Variants in LOC128092252 observed in about 807,000 individuals in gnomAD.
At chr15:50,681,224 C>T in the LOC128092252 span, among the ~76,000 whole-genome samples, 1 of 151,180 alleles carries the variant, frequency 6.6e-6, no homozygotes, top group South Asian at 2.1e-4. Context: ...GCACTTCAGC[C>T]TGGATGACCG....
At chr15:50,648,999 A>G in the LOC128092252 span, 74 of 691,596 alleles carry the variant, frequency 1.1e-4, no homozygotes, top group African/African-American at 8.4e-4. Flanking sequence ...TATATTTTAT[A>G]TAAGTATAAA....
the LOC128092252 span, among the ~76,000 whole-genome samples, chr15:50,652,900 G>A: frequency 1.3e-5 from 2 of 152,150 alleles, no homozygotes; most frequent in African/African-American, 2.4e-5. Flanking sequence ...ACTGGCTCGT[G>A]CCTGTAATCC....
the LOC128092252 span, among the ~76,000 whole-genome samples, chr15:50,658,923 G>A: frequency 6.6e-6 from 1 of 152,224 alleles, no homozygotes; most frequent in Non-Finnish European, 1.5e-5. Flanking sequence ...TAGTGGCCAG[G>A]CGCAGTGGCT....
the LOC128092252 span, among the ~76,000 whole-genome samples, chr15:50,682,899 C>CTTTTT: frequency 9.1e-5 from 13 of 143,294 alleles, no homozygotes; most frequent in Non-Finnish European, 1.8e-4. Flanking sequence ...CGGTACCAAA[C>CTTTTT]TTTTTTTTTT....
chr15:50,671,466 G>A, the LOC128092252 span, among the ~76,000 whole-genome samples: 22 of 152,050 alleles, frequency 1.4e-4, no homozygotes, highest in Non-Finnish European at 2.4e-4. Flanking sequence ...ATGATGGACC[G>A]CATATTTAAC....
At chr15:50,672,925 A>G in the LOC128092252 span, among the ~76,000 whole-genome samples, 1 of 147,228 alleles carries the variant, frequency 6.8e-6, no homozygotes, top group East Asian at 2.0e-4. Flanking sequence ...AAAAAAAAAA[A>G]GCTTATAGAA....
the LOC128092252 span, among the ~76,000 whole-genome samples, chr15:50,670,883 T>C: frequency 6.6e-6 from 1 of 150,656 alleles, no homozygotes; most frequent in African/African-American, 2.4e-5. Flanking sequence ...TGTCAAAACA[T>C]ATTAAGTAGG....
At chr15:50,650,473 T>C in the LOC128092252 span, among the ~76,000 whole-genome samples, 27 of 152,072 alleles carry the variant, frequency 1.8e-4, no homozygotes, top group Admixed American at 1.7e-3. Context: ...GGTGGATGGA[T>C]CACCTGAGGT....
the LOC128092252 span, among the ~76,000 whole-genome samples, chr15:50,653,935 C>T: frequency 6.6e-6 from 1 of 152,018 alleles, no homozygotes; most frequent in Non-Finnish European, 1.5e-5. Flanking sequence ...CATCACTGAA[C>T]CCCCTGAACA....
At chr15:50,663,764 G>A in the LOC128092252 span, among the ~76,000 whole-genome samples, 1 of 152,074 alleles carries the variant, frequency 6.6e-6, no homozygotes, top group Non-Finnish European at 1.5e-5. Flanking sequence ...AGAATTCAAG[G>A]CTACCCTGGA....
At chr15:50,653,565 A>C in the LOC128092252 span, among the ~76,000 whole-genome samples, 3 of 152,166 alleles carry the variant, frequency 2.0e-5, no homozygotes, top group South Asian at 4.1e-4. Context: ...CCTTGAAATG[A>C]GGGAAACACA....
At chr15:50,658,865 A>G in the LOC128092252 span, among the ~76,000 whole-genome samples, 1 of 152,232 alleles carries the variant, frequency 6.6e-6, no homozygotes, top group African/African-American at 2.4e-5. Flanking sequence ...ACTAAAACAA[A>G]TTACAATTCA....
chr15:50,660,820 G>A, the LOC128092252 span, among the ~76,000 whole-genome samples: 1 of 152,034 alleles, frequency 6.6e-6, no homozygotes, highest in African/African-American at 2.4e-5. Flanking sequence ...CCTAAGGGGG[G>A]AAAATCTTAA....
chr15:50,670,278 C>T, the LOC128092252 span, among the ~76,000 whole-genome samples: 2 of 152,018 alleles, frequency 1.3e-5, no homozygotes, highest in Non-Finnish European at 2.9e-5. Context: ...AGAGTGACTC[C>T]ATCTTGAATA....
chr15:50,650,255 G>A, the LOC128092252 span, among the ~76,000 whole-genome samples: 82,519 of 148,460 alleles, frequency 0.56, 23,028 homozygotes, highest in Admixed American at 0.62. Flanking sequence ...AAAAGCTACT[G>A]GACAGCAATA....
the LOC128092252 span, among the ~76,000 whole-genome samples, chr15:50,651,971 T>C: frequency 6.6e-6 from 1 of 151,772 alleles, no homozygotes; most frequent in Non-Finnish European, 1.5e-5. Context: ...TAACCTAAAC[T>C]TCTACCTTAA....
chr15:50,670,887 A>C, the LOC128092252 span, among the ~76,000 whole-genome samples: 1 of 151,874 alleles, frequency 6.6e-6, no homozygotes, highest in Non-Finnish European at 1.5e-5. Flanking sequence ...AAAACATATT[A>C]AGTAGGCCAG....
the LOC128092252 span, chr15:50,686,438 A>G: frequency 1.2e-6 from 2 of 1,602,772 alleles, no homozygotes; most frequent in Non-Finnish European, 8.5e-7. Flanking sequence ...GCCGCATGGA[A>G]CGCGGCTCCC....
chr15:50,670,865 CCAAAACGTGT>C, the LOC128092252 span, among the ~76,000 whole-genome samples: 1 of 150,058 alleles, frequency 6.7e-6, no homozygotes, highest in Non-Finnish European at 1.5e-5. Context: ...CAACTCTGTG[CCAAAACGTGT>C]CAAAACATAT....
Sources: gnomAD v4.1 joint callset for allele counts (sites outside exome capture counted in the v4.1 genomes callset) on GRCh38, gnomAD v4.1.1 for gene constraint, MANE v1.5 for transcripts.